The following PPP3CA variants were observed in gnomAD, a reference collection of about 807,000 sequenced individuals.
PPP3CA encodes the protein protein phosphatase 3 catalytic subunit alpha, also known as CAM-PRP catalytic subunit.
Under a neutral mutation model 66.5 loss-of-function variants are expected in PPP3CA, and 14 were observed. That is an observed-to-expected ratio of 0.21 (90% CI 0.14 to 0.33). The LOEUF (loss-of-function observed/expected upper bound fraction) is 0.33. PPP3CA is among the 10% of genes least tolerant of loss of function. The pLI is 1.00. For missense variants in PPP3CA, 317 were observed against 639.5 expected (o/e 0.50, Z 5.44); for synonymous variants, 232 against 226.2 (o/e 1.03, Z -0.23).
At chr4:101,146,266 T>C (rs936254855) in intron 2 of PPP3CA, among the ~76,000 whole-genome samples, 4 of 152,190 alleles carry the variant, frequency 2.6e-5, no homozygotes, top group African/African-American at 9.7e-5. Flanking sequence ...AAGCCACCAT[T>C]TACCAAGTAT....
chr4:101,045,173 T>G (rs953824770), intron 10 of PPP3CA, among the ~76,000 whole-genome samples: 1 of 152,240 alleles, frequency 6.6e-6, no homozygotes, highest in Non-Finnish European at 1.5e-5. Context: ...TCCTTTACTA[T>G]ACAGCCTGCC....
At chr4:101,058,027 A>G (rs1728301511) in intron 10 of PPP3CA, among the ~76,000 whole-genome samples, 2 of 152,316 alleles carry the variant, frequency 1.3e-5, no homozygotes, top group Admixed American at 1.3e-4. Flanking sequence ...TAAGGGAAAT[A>G]CACCAACAAA....
intron 8 of PPP3CA, among the ~76,000 whole-genome samples, chr4:101,073,632 T>A (rs1434828456): frequency 6.6e-6 from 1 of 152,170 alleles, no homozygotes; most frequent in Non-Finnish European, 1.5e-5. Context: ...TTCCTTCATA[T>A]AAATTATTGT....
Position 101,073,497 on chromosome 4 carries a change from G to A in PPP3CA, c.955+7035C>T, listed in dbSNP as rs1214071170. Among the ~76,000 whole-genome samples, 4 of 151,980 alleles carry A rather than the reference G, an allele frequency of 2.6e-5. No homozygotes were observed. The East Asian group carries it at 5.8e-4, about 22-fold the overall frequency. On this transcript the variant is annotated intron_variant, in intron 8 of 13. Transcript: ENST00000394854. ...TCACCATATTGGCCAGGCTGGTCTC[G>A]AACTTCTGACCTCATGATCTGCCCG...
At chr4:101,309,109 G>C (rs1310634413) in intron 1 of PPP3CA, among the ~76,000 whole-genome samples, 2 of 152,052 alleles carry the variant, frequency 1.3e-5, no homozygotes, top group Admixed American at 6.6e-5. Context: ...CCAGGGTGAA[G>C]GAGCAGACCC....
intron 1 of PPP3CA, among the ~76,000 whole-genome samples, chr4:101,295,445 G>A (rs894284311): frequency 4.3e-4 from 66 of 152,112 alleles, no homozygotes; most frequent in African/African-American, 1.5e-3. Context: ...GCTTACACAG[G>A]TGGAAAAACC....
chr4:101,141,987 G>A (rs1722822776), intron 2 of PPP3CA, among the ~76,000 whole-genome samples: 1 of 151,288 alleles, frequency 6.6e-6, no homozygotes, highest in Non-Finnish European at 1.5e-5. Context: ...TGTCAATGGA[G>A]GATGATAGGA....
intron 11 of PPP3CA, 43 bp downstream of exon 11, chr4:101,040,439 C>A (rs752743210): frequency 7.2e-6 from 10 of 1,383,584 alleles, no homozygotes; most frequent in East Asian, 2.4e-5. Context: ...TTAGGTGACA[C>A]ATAATACAAT....
intron 1 of PPP3CA, among the ~76,000 whole-genome samples, chr4:101,205,567 A>AT (rs1380629972): frequency 7.3e-6 from 1 of 136,822 alleles, no homozygotes; most frequent in Non-Finnish European, 1.5e-5. Context: ...GTAAGTTGAT[A>AT]GGAAAAAAAA....
chr4:101,104,231 ATT>A (rs1730562134), intron 3 of PPP3CA, among the ~76,000 whole-genome samples: 1 of 152,178 alleles, frequency 6.6e-6, no homozygotes, highest in Non-Finnish European at 1.5e-5. Flanking sequence ...GCCCTGAATT[ATT>A]GAGATGAATT....
intron 1 of PPP3CA, among the ~76,000 whole-genome samples, chr4:101,210,101 G>A (rs1404454840): frequency 6.6e-6 from 1 of 152,128 alleles, no homozygotes; most frequent in South Asian, 2.1e-4. Flanking sequence ...GTGACCCAAA[G>A]AGGCTAAGGT....
intron 2 of PPP3CA, among the ~76,000 whole-genome samples, chr4:101,124,265 T>C (rs2110275874): frequency 6.6e-6 from 1 of 151,680 alleles, no homozygotes; most frequent in East Asian, 1.9e-4. Context: ...TATGACCAAA[T>C]TAGAAAAAAA....
chr4:101,026,159 A>AAGGATTCCCTCTCACT, intron 13 of PPP3CA, 98 bp from the exon 14 acceptor site: 1 of 1,023,268 alleles, frequency 9.8e-7, no homozygotes, highest in Non-Finnish European at 1.4e-6. Flanking sequence ...TTTCTCAGTG[A>AAGGATTCCCTCTCACT]GAGGGAATCC....
intron 8 of PPP3CA, among the ~76,000 whole-genome samples, chr4:101,071,924 A>AT: frequency 6.6e-6 from 1 of 151,564 alleles, no homozygotes; most frequent in South Asian, 2.1e-4. Flanking sequence ...ATTAAAATAT[A>AT]TAGTACAAGG....
chr4:101,294,735 T>C (rs1370808153), intron 1 of PPP3CA, among the ~76,000 whole-genome samples: 1 of 152,110 alleles, frequency 6.6e-6, no homozygotes, highest in Non-Finnish European at 1.5e-5. Flanking sequence ...GGGAGTTCTA[T>C]GCATTGTAGG....
intron 2 of PPP3CA, among the ~76,000 whole-genome samples, chr4:101,141,447 T>A (rs74688168): frequency 0.013 from 1,962 of 152,200 alleles, 55 homozygotes; most frequent in African/African-American, 0.045. Context: ...AACCACAGCT[T>A]CCCTCTCTCC....
chr4:101,067,359 G>T (rs1424644761), intron 8 of PPP3CA, among the ~76,000 whole-genome samples: 1 of 151,942 alleles, frequency 6.6e-6, no homozygotes, highest in Non-Finnish European at 1.5e-5. Context: ...GGGGAAGGCG[G>T]ACTGAACCTC....
intron 2 of PPP3CA, among the ~76,000 whole-genome samples, chr4:101,179,622 T>C (rs1724172754): frequency 2.6e-5 from 4 of 152,118 alleles, no homozygotes; most frequent in Admixed American, 2.6e-4. Context: ...ATCACTGCCA[T>C]CAAGGTGACA....
At chr4:101,057,220 AT>A (rs371015941) in intron 10 of PPP3CA, among the ~76,000 whole-genome samples, 2 of 151,338 alleles carry the variant, frequency 1.3e-5, no homozygotes, top group Non-Finnish European at 2.9e-5. Context: ...ATGCCCACCT[AT>A]TTTTTTTGTA....
Sources: gnomAD v4.1 joint callset for allele counts (sites outside exome capture counted in the v4.1 genomes callset) on GRCh38, gnomAD v4.1.1 for gene constraint, MANE v1.5 for transcripts, NCBI Gene and HGNC (gene_info 2026-07-23, HGNC 2026-07-21) for gene names.